The following CRTC3 variants were observed in gnomAD, a reference collection of about 807,000 sequenced individuals.
The protein encoded by CRTC3 is CREB regulated transcription coactivator 3.
CRTC3 carries 26 observed loss-of-function variants against 74.5 expected under a neutral mutation model. That is an observed-to-expected ratio of 0.35 (90% confidence interval 0.26 to 0.48). The LOEUF (loss-of-function observed/expected upper bound fraction) is 0.48, where lower values mean the gene tolerates loss of function less well. CRTC3 is among the 20% of genes least tolerant of loss of function. The pLI is 0.99. For missense variants in CRTC3, 760 were observed against 787.3 expected, an observed-to-expected ratio of 0.97 and a Z score of 0.41; for synonymous variants, 377 against 325.8, an observed-to-expected ratio of 1.16 and a Z score of -1.69.
At position 90,645,037 on chromosome 15, in the gene CRTC3, C is replaced by T. The variant is rs116381630; in HGVS notation, c.*2897C>T. The T allele has an allele frequency of 5.8e-3, 1,340 of 231,664 alleles. 22 individuals are homozygous for T. The highest frequency in any genetic ancestry group is 0.027 in the African/African-American group (1,245 of 45,324). The allele number at this position is 231,664 out of a possible 1,614,324, so 14.4% of individuals were successfully genotyped here. On this transcript the variant is annotated 3_prime_UTR_variant, in exon 15 of 15. Transcript: ENST00000268184. ...TGTTTCTCCTGTTTCATTTCTCCTCCGCCTGCTGTATATTACCTGAGCTGG... is the reference window on the plus strand; with the variant it reads ...TGTTTCTCCTGTTTCATTTCTCCTCTGCCTGCTGTATATTACCTGAGCTGG...
At chr15:90,540,612 A>C (rs1966787397) in intron 2 of CRTC3, among the ~76,000 whole-genome samples, 1 of 151,900 alleles carries the variant, frequency 6.6e-6, no homozygotes, top group African/African-American at 2.4e-5. Flanking sequence ...ATCTCTACTA[A>C]AAATACAAAA....
intron 2 of CRTC3, among the ~76,000 whole-genome samples, chr15:90,587,412 C>G (rs144559306): frequency 1.3e-5 from 2 of 152,320 alleles, no homozygotes; most frequent in Non-Finnish European, 2.9e-5. Context: ...TGTCACTCCC[C>G]TCCCCGGTCT....
intron 2 of CRTC3, among the ~76,000 whole-genome samples, chr15:90,556,782 G>C (rs985277291): frequency 6.6e-6 from 1 of 151,982 alleles, no homozygotes; most frequent in African/African-American, 2.4e-5. Context: ...AAAATACTGA[G>C]AGTTGATATA....
intron 6 of CRTC3, among the ~76,000 whole-genome samples, chr15:90,613,035 C>G (rs1968400377): frequency 1.3e-5 from 2 of 151,748 alleles, no homozygotes; most frequent in Admixed American, 1.3e-4. Context: ...CCCGTCTCTA[C>G]CAAAAAATAG....
intron 13 of CRTC3, among the ~76,000 whole-genome samples, chr15:90,639,092 G>T (rs1969345840): frequency 6.6e-6 from 1 of 152,126 alleles, no homozygotes; most frequent in African/African-American, 2.4e-5. Flanking sequence ...CATGAACACT[G>T]GAAGGGACAC....
chr15:90,641,258 C>T lies in CRTC3; in HGVS notation c.1651+59C>T. 4.4e-6 allele frequency: 5 copies of T among 1,143,670 alleles called. No homozygotes were observed. In the East Asian group the frequency reaches 9.4e-5, roughly 22 times the overall value. The allele number at this position is 1,143,670 out of a possible 1,614,324, so 70.8% of individuals were successfully genotyped here. On this transcript the variant is annotated intron_variant, in intron 14 of 14. Coordinates refer to ENST00000268184, the MANE Select transcript of CRTC3 (RefSeq NM_022769.5). The stretch of plus-strand genomic sequence containing the variant: ...TTTATGTTGTTGTGTGTTCAGGAAC[C>T]TTCATAAGAGAGTTTAAACAACATA...
intron 3 of CRTC3, among the ~76,000 whole-genome samples, chr15:90,601,325 ACACAT>A (rs1429503017): frequency 1.3e-5 from 2 of 152,132 alleles, no homozygotes. Flanking sequence ...ACCTTTCTTC[ACACAT>A]CTAATGCGCC....
At chr15:90,587,955 C>T (rs1398941993) in intron 2 of CRTC3, among the ~76,000 whole-genome samples, 1 of 149,132 alleles carries the variant, frequency 6.7e-6, no homozygotes, top group East Asian at 2.1e-4. Flanking sequence ...CCTTGTTCTT[C>T]AAGAAAATGG....
intron 10 of CRTC3, among the ~76,000 whole-genome samples, chr15:90,628,551 T>C (rs1362137477): frequency 1.3e-5 from 2 of 152,176 alleles, no homozygotes; most frequent in African/African-American, 4.8e-5. Context: ...TAGCAGCCTA[T>C]GCTGCAAAGA....
chr15:90,603,487 T>C (rs1407536355), intron 4 of CRTC3, among the ~76,000 whole-genome samples: 2 of 152,120 alleles, frequency 1.3e-5, no homozygotes, highest in Non-Finnish European at 2.9e-5. Flanking sequence ...CAGAGTGTCT[T>C]AGTAAGCTGC....
chr15:90,630,239 T>G (rs1968988278), intron 11 of CRTC3, among the ~76,000 whole-genome samples: 2 of 152,182 alleles, frequency 1.3e-5, no homozygotes. Flanking sequence ...ACTCTCTAAG[T>G]ACATTAAGCC....
intron 2 of CRTC3, 40 bp downstream of exon 2, chr15:90,540,177 G>A: frequency 1.5e-6 from 2 of 1,304,846 alleles, no homozygotes; most frequent in Non-Finnish European, 1.1e-6. Context: ...TGAATGGAGT[G>A]TAAAAAATAG....
At chr15:90,588,150 C>T (rs967455107) in intron 2 of CRTC3, among the ~76,000 whole-genome samples, 12 of 151,846 alleles carry the variant, frequency 7.9e-5, no homozygotes, top group African/African-American at 2.7e-4. Context: ...ATCCTAGCTA[C>T]TCAAGAGGCT....
chr15:90,582,307 T>C (rs1394500656), intron 2 of CRTC3, among the ~76,000 whole-genome samples: 1 of 152,224 alleles, frequency 6.6e-6, no homozygotes, highest in East Asian at 1.9e-4. Context: ...GTTTAAAACT[T>C]CTACTTCTGT....
chr15:90,632,547 A>G (rs1175824980), intron 11 of CRTC3, among the ~76,000 whole-genome samples: 3 of 152,198 alleles, frequency 2.0e-5, no homozygotes, highest in Non-Finnish European at 2.9e-5. Flanking sequence ...CTCGTTAGGC[A>G]TATTCCTCAC....
chr15:90,547,106 G>A (rs1966845645), intron 2 of CRTC3, among the ~76,000 whole-genome samples: 1 of 152,012 alleles, frequency 6.6e-6, no homozygotes, highest in Non-Finnish European at 1.5e-5. Flanking sequence ...TTATTATATT[G>A]ATATATTTTT....
Position 90,632,205 on chromosome 15 carries a change from A to C in CRTC3, c.1266+2673A>C, listed in dbSNP as rs77422240. Among the ~76,000 whole-genome samples the C allele has an allele frequency of 7.9e-3, 1,201 of 152,270 alleles. 19 individuals are homozygous for C. The highest frequency in any genetic ancestry group is 0.027 in the African/African-American group (1,141 of 41,536). The stretch of plus-strand genomic sequence containing the variant: ...TTGCAAGATTATTTTATAAGATCTA[A>C]AAGTATTCTTGCTTTTTAGCTACAT... On this transcript the variant is annotated intron_variant, in intron 11 of 14. Transcript: ENST00000268184.
intron 2 of CRTC3, among the ~76,000 whole-genome samples, chr15:90,579,545 T>C (rs1325785815): frequency 6.6e-6 from 1 of 151,536 alleles, no homozygotes; most frequent in Non-Finnish European, 1.5e-5. Flanking sequence ...CCCCTTCCCC[T>C]GGGAAAAAAT....
At chr15:90,550,989 G>A (rs1157028234) in intron 2 of CRTC3, among the ~76,000 whole-genome samples, 1 of 152,102 alleles carries the variant, frequency 6.6e-6, no homozygotes, top group Non-Finnish European at 1.5e-5. Flanking sequence ...GTTGTGTAGG[G>A]CAGAACAATG....
Sources: allele counts gnomAD v4.1 joint callset (sites outside exome capture counted in the v4.1 genomes callset), GRCh38; gene constraint gnomAD v4.1.1; transcripts MANE v1.5; gene names NCBI Gene and HGNC (gene_info 2026-07-23, HGNC 2026-07-21).